Variants in MYO3B observed in about 807,000 individuals in gnomAD.
MYO3B encodes myosin IIIB.
In MYO3B, 156 loss-of-function variants were observed where a neutral mutation model predicts 174.6. That is an observed-to-expected ratio of 0.89 (90% CI 0.78 to 1.02). The LOEUF is 1.02. MYO3B is among the 50% of genes least tolerant of loss of function. The pLI is 0.00. For missense variants in MYO3B, 1,632 were observed against 1,639.4 expected (o/e 1.00, Z 0.08); for synonymous variants, 563 against 569.1 (o/e 0.99, Z 0.15).
At chr2:170,471,032 A>G (rs1301923917) in intron 25 of MYO3B, among the ~76,000 whole-genome samples, 1 of 127,936 alleles carries the variant, frequency 7.8e-6, no homozygotes, top group Non-Finnish European at 1.7e-5. Context: ...ATATTTTCTC[A>G]CTCTATGGGT....
intron 32 of MYO3B, among the ~76,000 whole-genome samples, chr2:170,558,540 C>T (rs1691497971): frequency 6.6e-6 from 1 of 152,146 alleles, no homozygotes; most frequent in African/African-American, 2.4e-5. Flanking sequence ...CAGCTGGAAC[C>T]ACATAGCATA....
chr2:170,630,644 A>G (rs1034932368), intron 32 of MYO3B, among the ~76,000 whole-genome samples: 1 of 152,216 alleles, frequency 6.6e-6, no homozygotes, highest in African/African-American at 2.4e-5. Flanking sequence ...GACACCTCCC[A>G]GTAGAGGCCG....
At chr2:170,302,348 C>G (rs1003976746) in intron 7 of MYO3B, among the ~76,000 whole-genome samples, 3 of 152,012 alleles carry the variant, frequency 2.0e-5, no homozygotes, top group African/African-American at 7.2e-5. Context: ...TAGAAAAAAC[C>G]CCAGCAATAT....
intron 6 of MYO3B, among the ~76,000 whole-genome samples, chr2:170,229,173 C>T (rs1456692139): frequency 2.0e-5 from 3 of 152,284 alleles, no homozygotes; most frequent in Admixed American, 1.3e-4. Flanking sequence ...ACTTGGAAAT[C>T]TTTATGATCA....
rs375508026 is a variant in MYO3B, at chr2:170,503,161, G to A, written c.3370+1296G>A. Among the ~76,000 whole-genome samples, 42 of 152,262 alleles carry A rather than the reference G, an allele frequency of 2.8e-4. No individual in the cohort carries two copies. The South Asian group carries it at 8.7e-3, about 32-fold the overall frequency. The stretch of plus-strand genomic sequence containing the variant: ...TGCAGTTTGGTACAAAGGCCAACAT[G>A]TGTTTTAAAATTTAAACTTGCTTGA... On this transcript the variant is annotated intron_variant, in intron 28 of 34. Transcript: ENST00000408978.
At chr2:170,254,656 G>A (rs1408211257) in intron 7 of MYO3B, among the ~76,000 whole-genome samples, 1 of 152,156 alleles carries the variant, frequency 6.6e-6, no homozygotes, top group Non-Finnish European at 1.5e-5. Flanking sequence ...AACTTCCCAG[G>A]GTGTGAGCAC....
rs985148948 is a variant in MYO3B at position 170,653,022 on chromosome 2, A to T, written c.3927A>T (p.Lys1309Asn). 1 of 1,614,158 alleles carries T rather than the reference A, an allele frequency of 6.2e-7. No individual in the cohort carries two copies. The highest frequency in any genetic ancestry group is 8.5e-7 in the Non-Finnish European group (1 of 1,180,038). ...TTGATGGGGAAGATGAATATTACAA[A>T]TCTCTGTCACCAGTGGACTGTATCC... ...KVLDGEDEYYKSLSPVDCIPE... is the reference protein window; with the variant it reads ...KVLDGEDEYYNSLSPVDCIPE... Residue 1309 changes from lysine to asparagine, a missense_variant, in exon 35 of 35, where the codon AAA becomes AAT. Lys to Asn is a moderately conservative substitution (Grantham distance 94). Coordinates refer to ENST00000408978, the MANE Select transcript of MYO3B (RefSeq NM_138995.5).
At chr2:170,374,758 T>TACACACACACACACACACAC (rs201921789) in intron 9 of MYO3B, among the ~76,000 whole-genome samples, 2 of 139,968 alleles carry the variant, frequency 1.4e-5, no homozygotes, top group South Asian at 2.3e-4. Flanking sequence ...TATGCATACA[T>TACACACACACACACACACAC]ACACACACAC....
chr2:170,653,899 T>G lies in MYO3B; in HGVS notation c.*778T>G, dbSNP rs1270453632. The G allele has an allele frequency of 6.6e-6, 1 of 152,190 alleles. No homozygotes were observed. Among genetic ancestry groups the G allele is most frequent in the East Asian group, 1.9e-4 (1 of 5,184 alleles). 9.4% of individuals were successfully genotyped at this position (152,190 alleles called of 1,614,324 possible). A position where few individuals can be genotyped will look rare whatever the true frequency, so the allele number is the denominator to read the frequency against. Reference sequence around the variant, plus strand: ...TCCAGGTCACTTTATTCTGTAACTCTCCATTCACTGGTCAAATAACTCCAT... The same window carrying G: ...TCCAGGTCACTTTATTCTGTAACTCGCCATTCACTGGTCAAATAACTCCAT... On this transcript the variant is annotated 3_prime_UTR_variant, in exon 35 of 35. Transcript: ENST00000408978.
chr2:170,296,270 A>G (rs1434867813), intron 7 of MYO3B, among the ~76,000 whole-genome samples: 1 of 152,208 alleles, frequency 6.6e-6, no homozygotes, highest in Non-Finnish European at 1.5e-5. Context: ...TGAAAGAGAC[A>G]GTAATGGAGA....
chr2:170,234,620 C>G (rs1008807321), intron 6 of MYO3B, among the ~76,000 whole-genome samples: 1 of 152,180 alleles, frequency 6.6e-6, no homozygotes, highest in Non-Finnish European at 1.5e-5. Flanking sequence ...ATACTCTTCT[C>G]CATTTCGAAG....
At chr2:170,210,555 T>C (rs991273944) in intron 3 of MYO3B, among the ~76,000 whole-genome samples, 1 of 152,208 alleles carries the variant, frequency 6.6e-6, no homozygotes, top group African/African-American at 2.4e-5. Context: ...CCTTCCAACA[T>C]AATTAAGGGT....
chr2:170,326,919 G>A (rs2105511238), intron 7 of MYO3B, among the ~76,000 whole-genome samples: 1 of 152,352 alleles, frequency 6.6e-6, no homozygotes, highest in Admixed American at 6.5e-5. Context: ...TGCTGGGCTG[G>A]AAAGCCAGAG....
chr2:170,260,591 T>C (rs920622637), intron 7 of MYO3B, among the ~76,000 whole-genome samples: 2 of 152,152 alleles, frequency 1.3e-5, no homozygotes, highest in Non-Finnish European at 2.9e-5. Flanking sequence ...AAACCACCTA[T>C]TGGGTACTGT....
At chr2:170,231,332 A>G (rs1363366102) in intron 6 of MYO3B, among the ~76,000 whole-genome samples, 1 of 152,250 alleles carries the variant, frequency 6.6e-6, no homozygotes. Flanking sequence ...AAGCTAAGCC[A>G]TTAGTGAAAA....
At chr2:170,284,074 G>C (rs2093535505) in intron 7 of MYO3B, among the ~76,000 whole-genome samples, 1 of 152,088 alleles carries the variant, frequency 6.6e-6, no homozygotes, top group Non-Finnish European at 1.5e-5. Flanking sequence ...CCAAAACAAT[G>C]ACTACTCTAC....
At chr2:170,625,837 G>A (rs966971022) in intron 32 of MYO3B, among the ~76,000 whole-genome samples, 2 of 152,232 alleles carry the variant, frequency 1.3e-5, no homozygotes, top group African/African-American at 4.8e-5. Context: ...GGAGCAGGTT[G>A]TTCAGTTCCC....
chr2:170,338,883 T>G (rs914497978), intron 8 of MYO3B, among the ~76,000 whole-genome samples: 4 of 152,140 alleles, frequency 2.6e-5, no homozygotes, highest in Non-Finnish European at 4.4e-5. Context: ...GATTTACAGG[T>G]GTGAGCCACT....
intron 25 of MYO3B, among the ~76,000 whole-genome samples, chr2:170,469,234 C>T (rs147559105): frequency 2.6e-3 from 399 of 152,256 alleles, no homozygotes; most frequent in Middle Eastern, 6.8e-3. Context: ...TAGTCTCCTT[C>T]AGTATATAAC....
Sources: gnomAD v4.1 joint callset for allele counts (sites outside exome capture counted in the v4.1 genomes callset) on GRCh38, gnomAD v4.1.1 for gene constraint, MANE v1.5 for transcripts, NCBI Gene and HGNC (gene_info 2026-07-23, HGNC 2026-07-21) for gene names.